The following NTF3 variants were observed in gnomAD, a reference collection of about 807,000 sequenced individuals.
NTF3 encodes neurotrophin-3.
NTF3 carries 8 observed loss-of-function variants against 26.3 expected under a neutral mutation model. The ratio of observed to expected loss-of-function variants is 0.30; its 90% confidence interval spans 0.18 to 0.55. The LOEUF is 0.55. NTF3 is among the 20% of genes least tolerant of loss of function. The pLI is 0.93. For missense variants in NTF3, 276 were observed against 352.9 expected, an observed-to-expected ratio of 0.78 and a Z score of 1.75; for synonymous variants, 154 against 145.5, an observed-to-expected ratio of 1.06 and a Z score of -0.42.
At chr12:5,461,648 T>G (rs1940527989) in intron 1 of NTF3, among the ~76,000 whole-genome samples, 1 of 152,070 alleles carries the variant, frequency 6.6e-6, no homozygotes, top group African/African-American at 2.4e-5. Context: ...TCATTCTTCA[T>G]GCTCCATCAG....
At chr12:5,490,017 T>C (rs1361016174) in intron 1 of NTF3, among the ~76,000 whole-genome samples, 1 of 152,146 alleles carries the variant, frequency 6.6e-6, no homozygotes, top group Admixed American at 6.5e-5. Context: ...CACATGCACG[T>C]CGGTCAGGAT....
At chr12:5,486,310 G>C (rs1380826521) in intron 1 of NTF3, among the ~76,000 whole-genome samples, 1 of 152,188 alleles carries the variant, frequency 6.6e-6, no homozygotes, top group Admixed American at 6.5e-5. Flanking sequence ...GTCTTGGTTT[G>C]GAAGAGGCAA....
At chr12:5,490,339 GAGTCA>G (rs1234119573) in intron 1 of NTF3, among the ~76,000 whole-genome samples, 14 of 152,212 alleles carry the variant, frequency 9.2e-5, no homozygotes, top group Admixed American at 8.5e-4. Context: ...CCTATGCTGG[GAGTCA>G]AGGATGTGTG....
At chr12:5,449,835 T>C (rs1180889656) in intron 1 of NTF3, among the ~76,000 whole-genome samples, 1 of 152,260 alleles carries the variant, frequency 6.6e-6, no homozygotes, top group Non-Finnish European at 1.5e-5. Flanking sequence ...TGCTGGCTCA[T>C]GTACATACGA....
At chr12:5,492,489 T>C (rs1160986799) in intron 1 of NTF3, among the ~76,000 whole-genome samples, 2 of 152,206 alleles carry the variant, frequency 1.3e-5, no homozygotes, top group African/African-American at 2.4e-5. Flanking sequence ...GTTGGGCCTG[T>C]AATATTGAAG....
chr12:5,449,720 C>T (rs1448508716), intron 1 of NTF3, among the ~76,000 whole-genome samples: 1 of 152,240 alleles, frequency 6.6e-6, no homozygotes, highest in Non-Finnish European at 1.5e-5. Flanking sequence ...CACTTAGCCC[C>T]TCTGAGGTCC....
At chr12:5,459,772 G>A (rs955267616) in intron 1 of NTF3, among the ~76,000 whole-genome samples, 1 of 152,132 alleles carries the variant, frequency 6.6e-6, no homozygotes, top group Non-Finnish European at 1.5e-5. Context: ...TCCTTCAATT[G>A]TTTTCTCTTT....
intron 1 of NTF3, among the ~76,000 whole-genome samples, chr12:5,436,032 C>CAAAAG (rs1339675474): frequency 1.3e-5 from 2 of 152,160 alleles, no homozygotes; most frequent in East Asian, 3.9e-4. Context: ...AAGGTGTACA[C>CAAAAG]AAAAGAAGGG....
chr12:5,442,237 A>C (rs1591591855), intron 1 of NTF3, among the ~76,000 whole-genome samples: 1 of 152,340 alleles, frequency 6.6e-6, no homozygotes, highest in East Asian at 1.9e-4. Flanking sequence ...ACCATGATTG[A>C]GAATCCTCTT....
chr12:5,467,160 T>C (rs1178273812), intron 1 of NTF3, among the ~76,000 whole-genome samples: 2 of 131,378 alleles, frequency 1.5e-5, no homozygotes, highest in African/African-American at 2.9e-5. Flanking sequence ...ACCCAGGAAG[T>C]GAAGGTTGCA....
intron 1 of NTF3, among the ~76,000 whole-genome samples, chr12:5,465,841 A>G (rs1262445742): frequency 6.6e-6 from 1 of 152,218 alleles, no homozygotes; most frequent in Non-Finnish European, 1.5e-5. Context: ...AGGACTTGGC[A>G]TCTATCTTAC....
At chr12:5,472,646 CAAGGAGGG>C (rs1940679331) in intron 1 of NTF3, among the ~76,000 whole-genome samples, 1 of 152,158 alleles carries the variant, frequency 6.6e-6, no homozygotes, top group African/African-American at 2.4e-5. Flanking sequence ...TGCCGGGTGA[CAAGGAGGG>C]TTTTCAAGGC....
At chr12:5,483,763 A>G (rs1940834942) in intron 1 of NTF3, among the ~76,000 whole-genome samples, 1 of 152,234 alleles carries the variant, frequency 6.6e-6, no homozygotes, top group African/African-American at 2.4e-5. Context: ...TGGAGAACAC[A>G]GGTCTTGAGG....
At chr12:5,440,665 C>T (rs1940225580) in intron 1 of NTF3, among the ~76,000 whole-genome samples, 1 of 152,210 alleles carries the variant, frequency 6.6e-6, no homozygotes, top group African/African-American at 2.4e-5. Context: ...CACAGTCTCC[C>T]TGCAGAGAGC....
At chr12:5,454,735 G>A (rs1370423230) in intron 1 of NTF3, among the ~76,000 whole-genome samples, 1 of 152,210 alleles carries the variant, frequency 6.6e-6, no homozygotes, top group Non-Finnish European at 1.5e-5. Context: ...CCAACAATTT[G>A]GGAATCTCTG....
At position 5,435,562 on chromosome 12, in the gene NTF3, GTGT is replaced by G. The variant is rs150333236; in HGVS notation, c.18+3228_18+3230del. Among the ~76,000 whole-genome samples the G allele has an allele frequency of 7.4e-3, 1,131 of 152,290 alleles. 9 individuals carry two copies. Among genetic ancestry groups the G allele is most frequent in the African/African-American group, 0.025 (1,036 of 41,540 alleles). On this transcript the variant is annotated intron_variant, in intron 1 of 1. Coordinates refer to ENST00000423158, the MANE Select transcript of NTF3 (RefSeq NM_001102654.2). ...TGTGTATTGGGAAGGGAGCTGGACG[GTGT>G]TGTTGTTTCTTGTGTGGGGTGTGGG...
intron 1 of NTF3, among the ~76,000 whole-genome samples, chr12:5,469,581 C>T (rs753049866): frequency 9.7e-4 from 147 of 151,992 alleles, no homozygotes; most frequent in Non-Finnish European, 1.6e-3. Flanking sequence ...GACATATGGA[C>T]GTAAGAATTC....
chr12:5,445,300 A>ATGTGTG (rs55994341), intron 1 of NTF3, among the ~76,000 whole-genome samples: 90 of 60,914 alleles, frequency 1.5e-3, no homozygotes, highest in African/African-American at 3.6e-3. Flanking sequence ...GTGTGTGTGT[A>ATGTGTG]TGTGTGTGTG....
chr12:5,475,854 A>AAGAGAG (rs71064158), intron 1 of NTF3, among the ~76,000 whole-genome samples: 169 of 146,786 alleles, frequency 1.2e-3, no homozygotes, highest in African/African-American at 2.6e-3. Context: ...AAAAAGAAGA[A>AAGAGAG]AGAGAGAGAG....
Sources: gnomAD v4.1 joint callset for allele counts (sites outside exome capture counted in the v4.1 genomes callset) on GRCh38, gnomAD v4.1.1 for gene constraint, MANE v1.5 for transcripts, NCBI Gene and HGNC (gene_info 2026-07-23, HGNC 2026-07-21) for gene names.